Variants in RTN4 observed in about 807,000 individuals in gnomAD.
RTN4 encodes the protein reticulon-4.
A neutral mutation model predicts 90.4 loss-of-function variants in RTN4; 32 were observed. The ratio of observed to expected loss-of-function variants is 0.35; its 90% confidence interval spans 0.27 to 0.48. RTN4 has a LOEUF of 0.48. Ranked by LOEUF, RTN4 falls within the 20% of genes least tolerant of loss-of-function variation. The probability of loss-of-function intolerance (pLI) is 0.99; values close to 1 mark genes in which losing one functional copy is unlikely to be tolerated. For missense variants in RTN4, 1,706 were observed against 1,430.2 expected, an observed-to-expected ratio of 1.19 and a Z score of -3.11; for synonymous variants, 629 against 552.5, an observed-to-expected ratio of 1.14 and a Z score of -1.94.
At chr2:55,119,332 A>G in the RTN4 span, among the ~76,000 whole-genome samples, 1 of 152,218 alleles carries the variant, frequency 6.6e-6, no homozygotes, top group Admixed American at 6.5e-5. Flanking sequence ...ATGGTAATAT[A>G]CTCAACAGTA....
chr2:55,050,172 C>G lies in RTN4; in HGVS notation c.129G>C (p.Glu43Asp). 2 of 1,567,590 alleles carry G rather than the reference C, an allele frequency of 1.3e-6. No homozygotes were observed. The highest frequency in any genetic ancestry group is 1.7e-6 in the Non-Finnish European group (2 of 1,163,196). The change falls in exon 1 of 9, where the codon GAG becomes GAC. Residue 43 changes from glutamate to aspartate, a missense_variant. Transcript: ENST00000337526. The surrounding 1 kb of genome is among the most constrained non-coding windows in gnomAD (Gnocchi z 4.6). ...GCTCCTCCAGGTCTTCGTCCTCGTC[C>G]TCCTCTTCCTCCTCCTCTTCTTCCT... The part of the protein sequence containing the change: ...DEEEEEEEEE[E>D]DEDEDLEELE...
chr2:55,079,181 C>T (rs1020228809), intron 2 of RTN4, among the ~76,000 whole-genome samples: 1 of 152,104 alleles, frequency 6.6e-6, no homozygotes, highest in Non-Finnish European at 1.5e-5. Context: ...AAGAGGTTGC[C>T]AAAGCTTCAA....
At chr2:55,008,436 A>T (rs1045905383) in intron 3 of RTN4, among the ~76,000 whole-genome samples, 2 of 152,150 alleles carry the variant, frequency 1.3e-5, no homozygotes, top group Non-Finnish European at 2.9e-5. Flanking sequence ...CTGTAATAAT[A>T]AAATTGTCTG....
upstream of RTN4, among the ~76,000 whole-genome samples, chr2:55,113,967 A>G (rs1668080782): frequency 6.6e-6 from 1 of 152,220 alleles, no homozygotes; most frequent in Non-Finnish European, 1.5e-5. Flanking sequence ...AGAAACATCT[A>G]TGCTGAGCCT....
intron 2 of RTN4, among the ~76,000 whole-genome samples, chr2:55,058,312 G>A (rs866714121): frequency 2.2e-4 from 34 of 152,056 alleles, no homozygotes; most frequent in African/African-American, 7.0e-4. Flanking sequence ...AGCTCCCCAC[G>A]GATCTTACCA....
intron 3 of RTN4, among the ~76,000 whole-genome samples, chr2:55,001,459 G>A (rs1377899469): frequency 6.6e-6 from 1 of 152,162 alleles, no homozygotes; most frequent in East Asian, 1.9e-4. Flanking sequence ...TTATGAAGTT[G>A]CATAGGAAAG....
At chr2:55,048,507 T>G (rs916592693) in intron 1 of RTN4, among the ~76,000 whole-genome samples, 6 of 152,116 alleles carry the variant, frequency 3.9e-5, no homozygotes, top group African/African-American at 1.4e-4. Flanking sequence ...TCTATTTTTT[T>G]TTTAACTTTT....
intron 3 of RTN4, among the ~76,000 whole-genome samples, chr2:55,004,736 A>G (rs1680085056): frequency 6.6e-6 from 1 of 152,154 alleles, no homozygotes; most frequent in Non-Finnish European, 1.5e-5. Context: ...CCAGTGATGA[A>G]GCCATCACTG....
At chr2:54,986,682 G>C (rs186330657) in intron 4 of RTN4, among the ~76,000 whole-genome samples, 142 of 152,318 alleles carry the variant, frequency 9.3e-4, no homozygotes, top group African/African-American at 3.3e-3. Flanking sequence ...ACAAGTTTGA[G>C]GGGAAAAGTT....
At chr2:55,067,216 A>G (rs959576141) in intron 2 of RTN4, among the ~76,000 whole-genome samples, 8 of 152,234 alleles carry the variant, frequency 5.3e-5, no homozygotes, top group African/African-American at 1.4e-4. Flanking sequence ...CTGAATCTCA[A>G]TTTTCTTCAG....
chr2:55,018,024 A>C (rs776464957), intron 3 of RTN4, among the ~76,000 whole-genome samples: 2 of 152,206 alleles, frequency 1.3e-5, no homozygotes, highest in Non-Finnish European at 2.9e-5. Context: ...ACTAATACAA[A>C]TAAGAAGTTA....
intron 3 of RTN4, among the ~76,000 whole-genome samples, chr2:54,990,816 C>T (rs190336918): frequency 1.7e-3 from 253 of 151,898 alleles, no homozygotes; most frequent in African/African-American, 5.6e-3. Flanking sequence ...GACAGAGTCT[C>T]GCACTGTCGC....
chr2:55,021,808 T>C (rs529374951), intron 3 of RTN4, among the ~76,000 whole-genome samples: 3 of 152,214 alleles, frequency 2.0e-5, no homozygotes, highest in Non-Finnish European at 4.4e-5. Context: ...GTTTTCATTA[T>C]AGCAATACTG....
intron 1 of RTN4, among the ~76,000 whole-genome samples, chr2:55,112,136 G>C (rs1668049912): frequency 6.6e-6 from 1 of 152,240 alleles, no homozygotes; most frequent in South Asian, 2.1e-4. Flanking sequence ...CTGTGGGGGA[G>C]CGTGTTCAGG....
intron 2 of RTN4, among the ~76,000 whole-genome samples, chr2:55,070,295 G>A (rs1035245780): frequency 4.0e-5 from 6 of 150,994 alleles, no homozygotes; most frequent in Non-Finnish European, 2.9e-5. Flanking sequence ...ACAGTGGCTC[G>A]CACCTGTAAT....
chr2:54,977,676 G>A (rs977370543), intron 5 of RTN4, among the ~76,000 whole-genome samples: 13 of 152,110 alleles, frequency 8.5e-5, no homozygotes, highest in Non-Finnish European at 1.3e-4. Flanking sequence ...GGTGGGAAGC[G>A]AGGGGAGGGA....
chr2:54,976,154 C>G (rs1327119574), intron 5 of RTN4, among the ~76,000 whole-genome samples: 1 of 152,204 alleles, frequency 6.6e-6, no homozygotes. Context: ...GAAGAAATTA[C>G]TCTAGCAACG....
At chr2:54,996,292 C>T (rs1289073565) in intron 3 of RTN4, among the ~76,000 whole-genome samples, 8 of 152,094 alleles carry the variant, frequency 5.3e-5, no homozygotes, top group Non-Finnish European at 1.2e-4. Context: ...AATACAAACA[C>T]TATCAAAATC....
At chr2:54,989,285 T>G (rs564916461) in intron 3 of RTN4, among the ~76,000 whole-genome samples, 2 of 152,346 alleles carry the variant, frequency 1.3e-5, no homozygotes, top group Admixed American at 6.5e-5. Flanking sequence ...TGGTCTGGCT[T>G]GAATGCTATT....
Sources: allele counts gnomAD v4.1 joint callset (sites outside exome capture counted in the v4.1 genomes callset), GRCh38; gene constraint gnomAD v4.1.1; non-coding constraint Gnocchi (gnomAD v3.1); transcripts MANE v1.5; gene names NCBI Gene and HGNC (gene_info 2026-07-23, HGNC 2026-07-21).